Variants in FSTL5 observed in about 807,000 individuals in gnomAD.
FSTL5 encodes follistatin like 5, also known as follistatin-related protein 5.
Under a neutral mutation model 89.1 loss-of-function variants are expected in FSTL5, and 62 were observed. The observed-to-expected ratio is 0.70, with a 90% CI of 0.57 to 0.86. The LOEUF (loss-of-function observed/expected upper bound fraction) is 0.86. FSTL5 is among the 40% of genes least tolerant of loss of function. The pLI is 0.00. For missense variants in FSTL5, 1,057 were observed against 1,001.6 expected (o/e 1.06, Z -0.75); for synonymous variants, 383 against 346.2 (o/e 1.11, Z -1.18).
intron 3 of FSTL5, among the ~76,000 whole-genome samples, chr4:161,931,837 C>T (rs1734293809): frequency 6.6e-6 from 1 of 151,866 alleles, no homozygotes; most frequent in Non-Finnish European, 1.5e-5. Context: ...TTAACAGCAA[C>T]AACATTCTAA....
chr4:161,615,323 G>C (rs1336254833), intron 7 of FSTL5, among the ~76,000 whole-genome samples: 3 of 86,660 alleles, frequency 3.5e-5, no homozygotes, highest in Admixed American at 1.3e-4. Context: ...AAAATTAGCT[G>C]GGCATGGTGG....
intron 3 of FSTL5, among the ~76,000 whole-genome samples, chr4:161,972,747 T>C (rs1391786755): frequency 6.6e-6 from 1 of 152,224 alleles, no homozygotes; most frequent in African/African-American, 2.4e-5. Flanking sequence ...CATCTTTTGA[T>C]TCACAGAAAC....
intron 1 of FSTL5, among the ~76,000 whole-genome samples, chr4:162,157,112 G>A (rs1050420090): frequency 1.3e-5 from 2 of 152,056 alleles, no homozygotes; most frequent in African/African-American, 2.4e-5. Flanking sequence ...TTTTGTCTCA[G>A]TTTGGACAGT....
chr4:161,902,500 G>A (rs1052035525), intron 4 of FSTL5, among the ~76,000 whole-genome samples: 5 of 152,168 alleles, frequency 3.3e-5, no homozygotes, highest in African/African-American at 9.7e-5. Flanking sequence ...TTCATTGAAT[G>A]TGTGTCTTTT....
At chr4:161,750,739 GA>G (rs1225051217) in intron 6 of FSTL5, among the ~76,000 whole-genome samples, 1 of 152,046 alleles carries the variant, frequency 6.6e-6, no homozygotes, top group African/African-American at 2.4e-5. Context: ...CTTATATGTG[GA>G]ATCTAAAAAG....
chr4:162,163,461 ATAATAATAG>A (rs199782281), intron 1 of FSTL5, among the ~76,000 whole-genome samples, 145 bp downstream of exon 1: 5,706 of 96,652 alleles, frequency 0.059, 137 homozygotes, highest in Admixed American at 0.092. Flanking sequence ...AATAATAATA[ATAATAATAG>A]TAATTATTAA....
At chr4:162,031,663 C>T (rs1429226087) in intron 3 of FSTL5, among the ~76,000 whole-genome samples, 2 of 152,048 alleles carry the variant, frequency 1.3e-5, no homozygotes, top group African/African-American at 4.8e-5. Context: ...TAGGGCCGGG[C>T]GCGGTGGCTC....
At chr4:161,539,901 C>G (rs1024699467) in intron 9 of FSTL5, among the ~76,000 whole-genome samples, 1 of 64,508 alleles carries the variant, frequency 1.6e-5, no homozygotes, top group Admixed American at 2.9e-4. Context: ...CAAAATCATA[C>G]CTTTTTTTTT....
intron 3 of FSTL5, among the ~76,000 whole-genome samples, chr4:161,988,761 T>C (rs1736031869): frequency 6.6e-6 from 1 of 152,184 alleles, no homozygotes. Context: ...TAAGTCAGTC[T>C]AATTTAAAGT....
At chr4:161,609,080 TTGTC>T (rs1158255592) in intron 7 of FSTL5, among the ~76,000 whole-genome samples, 1 of 152,068 alleles carries the variant, frequency 6.6e-6, no homozygotes, top group Non-Finnish European at 1.5e-5. Flanking sequence ...TATTTGTTAA[TTGTC>T]TGTCTTGAAG....
At chr4:161,638,389 A>G (rs974975125) in intron 7 of FSTL5, among the ~76,000 whole-genome samples, 2 of 152,160 alleles carry the variant, frequency 1.3e-5, no homozygotes, top group Non-Finnish European at 1.5e-5. Flanking sequence ...TTTTCTAGAT[A>G]TACAACCATG....
intron 6 of FSTL5, among the ~76,000 whole-genome samples, chr4:161,734,001 C>G (rs1016433187): frequency 1.3e-5 from 2 of 151,926 alleles, no homozygotes; most frequent in Non-Finnish European, 2.9e-5. Flanking sequence ...CATTTCCTCT[C>G]TTCATTAAAA....
chr4:162,141,791 G>A (rs1732756746), intron 1 of FSTL5, among the ~76,000 whole-genome samples: 3 of 151,992 alleles, frequency 2.0e-5, no homozygotes, highest in Admixed American at 6.6e-5. Flanking sequence ...ATACAAGTGT[G>A]GAAGTACAGA....
At chr4:161,453,348 A>G (rs966707961) in intron 15 of FSTL5, among the ~76,000 whole-genome samples, 1 of 152,154 alleles carries the variant, frequency 6.6e-6, no homozygotes, top group Non-Finnish European at 1.5e-5. Context: ...TTTGTCAATA[A>G]CTTGAAAATA....
intron 4 of FSTL5, among the ~76,000 whole-genome samples, chr4:161,783,823 T>G (rs960057126): frequency 8.1e-5 from 12 of 148,016 alleles, no homozygotes; most frequent in African/African-American, 3.0e-4. Context: ...AGTGGCATAG[T>G]AGCATGATCT....
chr4:161,409,602 G>A lies in FSTL5; in HGVS notation c.1842-23153C>T, dbSNP rs546795930. 7.9e-5 allele frequency among the ~76,000 whole-genome samples: 12 copies of A among 152,098 alleles called. No individual in the cohort carries two copies. In the South Asian group the frequency reaches 8.3e-4, roughly 11 times the overall value. On this transcript the variant is annotated intron_variant, in intron 15 of 15. Transcript: ENST00000306100. ...TCACCACGTTGGCCAGGCAGGTCTC[G>A]AACTCATCACCTCGTGATCCACCTG...
intron 4 of FSTL5, among the ~76,000 whole-genome samples, chr4:161,795,793 T>C (rs1286246815): frequency 1.3e-5 from 2 of 152,082 alleles, no homozygotes; most frequent in East Asian, 3.8e-4. Flanking sequence ...TTCTGTTAAT[T>C]GGTCTATGTA....
intron 5 of FSTL5, among the ~76,000 whole-genome samples, chr4:161,767,779 G>A (rs1380218031): frequency 6.7e-6 from 1 of 148,666 alleles, no homozygotes; most frequent in African/African-American, 2.6e-5. Context: ...ATAGGATTCA[G>A]ACAATATAGC....
chr4:161,552,761 TA>T (rs1352367645), intron 8 of FSTL5, among the ~76,000 whole-genome samples: 1 of 151,780 alleles, frequency 6.6e-6, no homozygotes, highest in Non-Finnish European at 1.5e-5. Context: ...AATTGAAGGA[TA>T]AGTGATTGGC....
Sources: allele counts gnomAD v4.1 joint callset (sites outside exome capture counted in the v4.1 genomes callset), GRCh38; gene constraint gnomAD v4.1.1; transcripts MANE v1.5; gene names NCBI Gene and HGNC (gene_info 2026-07-23, HGNC 2026-07-21).